The following AGBL1 variants were observed in gnomAD, a reference collection of about 807,000 sequenced individuals.
AGBL1 encodes the protein AGBL carboxypeptidase 1.
Under a neutral mutation model 118.9 loss-of-function variants are expected in AGBL1, and 130 were observed. That is an observed-to-expected ratio of 1.09 (90% confidence interval 0.95 to 1.26). AGBL1 has a LOEUF of 1.26. Among genes scored for constraint, AGBL1 ranks in the 50% most tolerant of loss-of-function variants. The pLI, the probability that AGBL1 is intolerant of heterozygous loss-of-function variation, is 0.00. For missense variants in AGBL1, 1,584 were observed against 1,298.1 expected (o/e 1.22, Z -3.38); for synonymous variants, 555 against 478.9 (o/e 1.16, Z -2.08).
intron 21 of AGBL1, among the ~76,000 whole-genome samples, chr15:86,641,346 T>C (rs2142468435): frequency 6.6e-6 from 1 of 152,116 alleles, no homozygotes; most frequent in East Asian, 1.9e-4. Context: ...ACGTATAGAA[T>C]ATATGTGCGC....
In AGBL1 at chr15:86,079,872, G is replaced by T. The variant is rs1895149727; in HGVS notation, c.-101G>T. 2 of 875,282 alleles carry T rather than the reference G, an allele frequency of 2.3e-6. No homozygotes were observed. Among genetic ancestry groups the T allele is most frequent in the Non-Finnish European group, 3.0e-6 (2 of 660,140 alleles). The allele number at this position is 875,282 out of a possible 1,614,324, so 54.2% of individuals were successfully genotyped here. A position where few individuals can be genotyped will look rare whatever the true frequency, so the allele number is the denominator to read the frequency against. The stretch of plus-strand genomic sequence containing the variant: ...CATGTGCAGCTGAGGCCTCCGGGCA[G>T]TCGTCTCCTGCGAGGCGGGCAGCGA... On this transcript the variant is annotated 5_prime_UTR_variant, in exon 1 of 23. Transcript: ENST00000614907.
At chr15:86,422,349 T>TG (rs1409961070) in intron 18 of AGBL1, among the ~76,000 whole-genome samples, 1 of 152,162 alleles carries the variant, frequency 6.6e-6, no homozygotes, top group Non-Finnish European at 1.5e-5. Context: ...GAATGACTAC[T>TG]GGGTAAATAA....
intron 21 of AGBL1, among the ~76,000 whole-genome samples, chr15:86,605,315 A>T (rs1340994917): frequency 1.6e-4 from 23 of 141,404 alleles, no homozygotes; most frequent in African/African-American, 5.7e-4. Flanking sequence ...TTTTTAAATA[A>T]AAAAAAAAAG....
At chr15:86,975,347 T>G (rs115700281) in intron 23 of AGBL1, among the ~76,000 whole-genome samples, 2,813 of 151,908 alleles carry the variant, frequency 0.019, 92 homozygotes, top group African/African-American at 0.062. Context: ...AAATTCCCCT[T>G]TATACAAAAA....
At chr15:86,948,919 G>A (rs1377056402) in intron 23 of AGBL1, among the ~76,000 whole-genome samples, 1 of 152,176 alleles carries the variant, frequency 6.6e-6, no homozygotes, top group African/African-American at 2.4e-5. Flanking sequence ...AAGTATCCTG[G>A]AATACAGCCA....
chr15:86,208,568 A>C (rs1302661479), intron 5 of AGBL1, among the ~76,000 whole-genome samples: 1 of 152,114 alleles, frequency 6.6e-6, no homozygotes, highest in African/African-American at 2.4e-5. Context: ...ATGTCCAGGA[A>C]TTTATCCATT....
At chr15:86,870,578 A>G (rs957604404) in intron 22 of AGBL1, among the ~76,000 whole-genome samples, 1 of 151,728 alleles carries the variant, frequency 6.6e-6, no homozygotes, top group Admixed American at 6.6e-5. Flanking sequence ...AAAATTGTAC[A>G]CATGCTTACA....
chr15:86,585,540 A>AT (rs1377232607), intron 21 of AGBL1, among the ~76,000 whole-genome samples: 2 of 151,930 alleles, frequency 1.3e-5, no homozygotes, highest in Non-Finnish European at 1.5e-5. Flanking sequence ...TTTTACTTCT[A>AT]TTTTTTTATA....
intron 22 of AGBL1, among the ~76,000 whole-genome samples, chr15:86,902,417 A>G (rs988146343): frequency 2.0e-5 from 3 of 152,178 alleles, no homozygotes; most frequent in African/African-American, 4.8e-5. Context: ...ACACAATTTT[A>G]TAAATTTTAA....
intron 16 of AGBL1, among the ~76,000 whole-genome samples, chr15:86,289,576 T>C (rs775602248): frequency 6.6e-6 from 1 of 152,080 alleles, no homozygotes; most frequent in East Asian, 1.9e-4. Context: ...AAATAAAAAA[T>C]TTACATCAGT....
chr15:86,193,926 C>T (rs1214787847), intron 5 of AGBL1, among the ~76,000 whole-genome samples: 2 of 152,200 alleles, frequency 1.3e-5, no homozygotes, highest in Non-Finnish European at 2.9e-5. Flanking sequence ...AAGAGAGAGG[C>T]ATAGCAGAGT....
chr15:86,152,320 T>C (rs950244338), intron 3 of AGBL1, among the ~76,000 whole-genome samples: 3 of 151,120 alleles, frequency 2.0e-5, no homozygotes, highest in African/African-American at 7.3e-5. Context: ...CCAAAACAGA[T>C]AGACTAATGG....
chr15:86,438,961 T>TGATA (rs1438229951), intron 18 of AGBL1, among the ~76,000 whole-genome samples: 1 of 152,116 alleles, frequency 6.6e-6, no homozygotes, highest in Non-Finnish European at 1.5e-5. Flanking sequence ...GTGCATGGTC[T>TGATA]GATAGTCTGT....
At chr15:86,795,969 C>T (rs992917709) in intron 22 of AGBL1, among the ~76,000 whole-genome samples, 1 of 151,884 alleles carries the variant, frequency 6.6e-6, no homozygotes, top group Non-Finnish European at 1.5e-5. Context: ...ACCTCAGTTT[C>T]ACTGTGTTAG....
intron 22 of AGBL1, among the ~76,000 whole-genome samples, chr15:86,719,061 A>AT (rs978082475): frequency 3.6e-4 from 55 of 152,128 alleles, no homozygotes; most frequent in African/African-American, 1.2e-3. Flanking sequence ...GAGAAAAAAA[A>AT]GTTCATGGGA....
intron 22 of AGBL1, among the ~76,000 whole-genome samples, chr15:86,741,205 G>T (rs534922040): frequency 6.6e-6 from 1 of 151,570 alleles, no homozygotes; most frequent in East Asian, 2.0e-4. Flanking sequence ...AGGACTTTTC[G>T]TTCCAAGGGC....
intron 17 of AGBL1, among the ~76,000 whole-genome samples, chr15:86,344,355 C>T (rs981584699): frequency 2.0e-5 from 3 of 152,134 alleles, no homozygotes; most frequent in African/African-American, 7.2e-5. Flanking sequence ...AAGCCAATAG[C>T]TTGGTGTCAT....
chr15:87,003,721 A>G (rs937289235), intron 24 of AGBL1, among the ~76,000 whole-genome samples: 1 of 152,096 alleles, frequency 6.6e-6, no homozygotes, highest in African/African-American at 2.4e-5. Flanking sequence ...TGTATGTGTC[A>G]AGGAATTTAT....
At chr15:86,900,178 G>C (rs776138592) in intron 22 of AGBL1, among the ~76,000 whole-genome samples, 2 of 152,030 alleles carry the variant, frequency 1.3e-5, no homozygotes, top group Non-Finnish European at 2.9e-5. Context: ...GAGGTTTTGG[G>C]GACTCAGACT....
Sources: allele counts gnomAD v4.1 joint callset (sites outside exome capture counted in the v4.1 genomes callset), GRCh38; gene constraint gnomAD v4.1.1; transcripts MANE v1.5; gene names NCBI Gene and HGNC (gene_info 2026-07-23, HGNC 2026-07-21).